FSTL4: variants seen among roughly 807,000 people sequenced by gnomAD.
FSTL4 encodes the protein follistatin like 4.
A neutral mutation model predicts 78.2 loss-of-function variants in FSTL4; 28 were observed. The ratio of observed to expected loss-of-function variants is 0.36; its 90% CI spans 0.27 to 0.49. The LOEUF (loss-of-function observed/expected upper bound fraction) is 0.49. Among genes scored for constraint, FSTL4 ranks in the 20% least tolerant of loss-of-function variants. FSTL4 has a pLI of 0.98. For missense variants in FSTL4, 922 were observed against 1,084.9 expected (o/e 0.85, Z 2.11); for synonymous variants, 422 against 440.5 (o/e 0.96, Z 0.53).
Position 133,603,985 on chromosome 5 carries a change from T to C in FSTL4, c.-2A>G. ...CAGCCAAAAGCCTCCTGGTTTCATTTTGATGAGTCTGTTGAAGAAATGACA... is the reference window on the plus strand; with the variant it reads ...CAGCCAAAAGCCTCCTGGTTTCATTCTGATGAGTCTGTTGAAGAAATGACA... On this transcript the variant is annotated 5_prime_UTR_variant, in exon 2 of 16. Transcript: ENST00000265342. 6.2e-7 allele frequency: 1 copy of C among 1,609,408 alleles called. No individual in the cohort carries two copies. Among genetic ancestry groups the C allele is most frequent in the Non-Finnish European group, 8.5e-7 (1 of 1,175,752 alleles).
chr5:133,307,937 A>C (rs1753693015), intron 6 of FSTL4, among the ~76,000 whole-genome samples: 1 of 151,898 alleles, frequency 6.6e-6, no homozygotes, highest in Non-Finnish European at 1.5e-5. Context: ...CCCACCACCA[A>C]GCCCGGCTAA....
At chr5:133,788,109 C>T in the FSTL4 span, among the ~76,000 whole-genome samples, 1 of 152,176 alleles carries the variant, frequency 6.6e-6, no homozygotes, top group Non-Finnish European at 1.5e-5. Flanking sequence ...ACTGATATGT[C>T]TCCATATCCC....
chr5:133,464,350 G>A (rs1407856053), intron 3 of FSTL4, among the ~76,000 whole-genome samples: 1 of 152,168 alleles, frequency 6.6e-6, no homozygotes. Context: ...TCCATATGCA[G>A]GTTTTTCTGG....
chr5:133,201,538 C>T (rs4958167), intron 15 of FSTL4, among the ~76,000 whole-genome samples: 7 of 152,096 alleles, frequency 4.6e-5, no homozygotes, highest in African/African-American at 1.7e-4. Flanking sequence ...TCAGTGTCTT[C>T]ACTTCTCTGA....
chr5:133,393,931 C>A (rs1755926752), intron 4 of FSTL4, among the ~76,000 whole-genome samples: 1 of 152,256 alleles, frequency 6.6e-6, no homozygotes, highest in African/African-American at 2.4e-5. Flanking sequence ...GGCTCCTGAG[C>A]CTTCCTTCTG....
At chr5:133,405,784 AG>A (rs1756348665) in intron 3 of FSTL4, among the ~76,000 whole-genome samples, 1 of 152,228 alleles carries the variant, frequency 6.6e-6, no homozygotes, top group South Asian at 2.1e-4. Context: ...TGCAGAATTC[AG>A]GTTTGTGTGA....
chr5:133,572,719 A>T (rs1172159163), intron 2 of FSTL4, among the ~76,000 whole-genome samples: 1 of 152,150 alleles, frequency 6.6e-6, no homozygotes, highest in African/African-American at 2.4e-5. Flanking sequence ...TAGTAATATG[A>T]TTTTTTTAAA....
chr5:133,275,349 C>T (rs1752857214), intron 6 of FSTL4, among the ~76,000 whole-genome samples: 1 of 151,428 alleles, frequency 6.6e-6, no homozygotes, highest in African/African-American at 2.4e-5. Flanking sequence ...CATCTGAGGT[C>T]AGGAGTTCGA....
chr5:133,797,825 C>T, the FSTL4 span, among the ~76,000 whole-genome samples: 68,854 of 152,030 alleles, frequency 0.45, 17,813 homozygotes, highest in Middle Eastern at 0.67. Flanking sequence ...GCGCTTTGCT[C>T]CCCAAACATG....
the FSTL4 span, among the ~76,000 whole-genome samples, chr5:133,684,024 C>G: frequency 6.6e-6 from 1 of 152,192 alleles, no homozygotes; most frequent in Non-Finnish European, 1.5e-5. Context: ...CTATCAGGAG[C>G]CTCTTGGTGA....
At chr5:133,210,908 C>T (rs1342275092) in intron 13 of FSTL4, 1 of 152,208 alleles carries the variant, frequency 6.6e-6, no homozygotes, top group Non-Finnish European at 1.5e-5. Context: ...ACTCAGGAAC[C>T]AGCTCCAGGG....
At chr5:133,321,873 G>A (rs1424030425) in intron 4 of FSTL4, among the ~76,000 whole-genome samples, 1 of 152,232 alleles carries the variant, frequency 6.6e-6, no homozygotes, top group Admixed American at 6.5e-5. Flanking sequence ...GTTGGGACCC[G>A]CAGGGGACCT....
chr5:133,364,724 A>C (rs1229140305), intron 4 of FSTL4, among the ~76,000 whole-genome samples: 1 of 152,196 alleles, frequency 6.6e-6, no homozygotes, highest in Non-Finnish European at 1.5e-5. Context: ...AGTGAAAATG[A>C]ACATTTGTGC....
At chr5:133,330,504 C>T (rs759739244) in intron 4 of FSTL4, among the ~76,000 whole-genome samples, 6 of 152,116 alleles carry the variant, frequency 3.9e-5, no homozygotes, top group East Asian at 1.9e-4. Context: ...TGAGGACAGC[C>T]GTGAGGGGAT....
the FSTL4 span, among the ~76,000 whole-genome samples, chr5:133,779,292 A>T: frequency 6.6e-6 from 1 of 152,144 alleles, no homozygotes; most frequent in African/African-American, 2.4e-5. Flanking sequence ...TCCCTTATAA[A>T]ATAAGTGATG....
the FSTL4 span, among the ~76,000 whole-genome samples, chr5:133,742,908 G>A: frequency 1.3e-5 from 2 of 152,228 alleles, no homozygotes; most frequent in Admixed American, 1.3e-4. Flanking sequence ...GCCTGGTGAC[G>A]TCTTTCAGGC....
the FSTL4 span, among the ~76,000 whole-genome samples, chr5:133,734,218 G>A: frequency 1.3e-5 from 2 of 152,138 alleles, no homozygotes; most frequent in African/African-American, 4.8e-5. Context: ...GCAAGCAAAT[G>A]TAACATAGAG....
intron 3 of FSTL4, among the ~76,000 whole-genome samples, chr5:133,442,968 G>C (rs1268273035): frequency 1.3e-5 from 2 of 152,210 alleles, no homozygotes; most frequent in African/African-American, 2.4e-5. Flanking sequence ...AGCACAATAA[G>C]TCAAATCTGG....
At chr5:133,685,944 A>G in the FSTL4 span, among the ~76,000 whole-genome samples, 1 of 152,208 alleles carries the variant, frequency 6.6e-6, no homozygotes, top group African/African-American at 2.4e-5. Context: ...CTAGAGGGGC[A>G]TCATTTCCCT....
Sources: allele counts gnomAD v4.1 joint callset (sites outside exome capture counted in the v4.1 genomes callset), GRCh38; gene constraint gnomAD v4.1.1; transcripts MANE v1.5; gene names NCBI Gene and HGNC (gene_info 2026-07-23, HGNC 2026-07-21).